Variants in IRGM observed in about 807,000 individuals in gnomAD.
IRGM encodes immunity related GTPase M.
For synonymous variants in IRGM, 98 were observed against 80.6 expected (o/e 1.22, Z -1.16); for missense variants, 288 against 219.9 (o/e 1.31, Z -1.96).
intron 1 of IRGM, among the ~76,000 whole-genome samples, chr5:150,870,721 T>C (rs1754271175): frequency 2.0e-5 from 3 of 152,110 alleles, no homozygotes; most frequent in Admixed American, 2.0e-4. Flanking sequence ...AGTTGGGGTT[T>C]GTCTTGGCTA....
At chr5:150,876,994 G>A (rs7734778) in intron 1 of IRGM, among the ~76,000 whole-genome samples, 31,537 of 151,880 alleles carry the variant, frequency 0.21, 5,169 homozygotes, top group African/African-American at 0.44. Context: ...GCATTTAAGC[G>A]TTGTTAATTT....
chr5:150,865,156 AG>A (rs1203841130), intron 1 of IRGM, among the ~76,000 whole-genome samples: 1 of 152,248 alleles, frequency 6.6e-6, no homozygotes, highest in East Asian at 1.9e-4. Flanking sequence ...CTGACCAGTA[AG>A]CGTTAACATT....
intron 3 of IRGM, chr5:150,898,495 A>G: frequency 6.2e-7 from 1 of 1,613,182 alleles, no homozygotes; most frequent in Non-Finnish European, 8.5e-7. Flanking sequence ...GAGAAGGGTC[A>G]AGTTGCTGCC....
chr5:150,858,427 A>T (rs1158708721), intron 1 of IRGM, among the ~76,000 whole-genome samples: 1 of 152,170 alleles, frequency 6.6e-6, no homozygotes, highest in African/African-American at 2.4e-5. Flanking sequence ...TTGGTTCCAT[A>T]TGAACTTTAA....
At chr5:150,856,661 G>GGTATTGCTATGTTTCCCAGA (rs1249870298) in intron 1 of IRGM, among the ~76,000 whole-genome samples, 2 of 149,420 alleles carry the variant, frequency 1.3e-5, no homozygotes, top group Admixed American at 6.7e-5. Context: ...TCAGAGACAG[G>GGTATTGCTATGTTTCCCAGA]GTATTGCTAT....
intron 1 of IRGM, among the ~76,000 whole-genome samples, chr5:150,874,805 T>C (rs544450877): frequency 6.6e-6 from 1 of 152,208 alleles, no homozygotes; most frequent in Non-Finnish European, 1.5e-5. Flanking sequence ...TCTAGGATTG[T>C]GGAGCAAGGC....
At chr5:150,882,860 A>T (rs950123743) in intron 3 of IRGM, among the ~76,000 whole-genome samples, 1 of 152,194 alleles carries the variant, frequency 6.6e-6, no homozygotes, top group African/African-American at 2.4e-5. Context: ...TACACTTTAG[A>T]CCAAAGGGAC....
At chr5:150,885,487 T>G (rs1754507274) in intron 3 of IRGM, among the ~76,000 whole-genome samples, 1 of 152,116 alleles carries the variant, frequency 6.6e-6, no homozygotes, top group African/African-American at 2.4e-5. Flanking sequence ...GGAATAGCAT[T>G]GAATCGGTTA....
rs149232778 is a variant in IRGM, at chr5:150,870,975, C to T, written c.159-7005C>T. The stretch of plus-strand genomic sequence containing the variant: ...TGAGGTCTCTGAAATGGCTAAATTC[C>T]CACCAAAAAAAAAAAGTGGTATGGT... On this transcript the variant is annotated intron_variant and NMD_transcript_variant, in intron 1 of 3. Transcript: ENST00000520549. Among the ~76,000 whole-genome samples, 780 of 150,984 alleles carry T rather than the reference C, an allele frequency of 5.2e-3. 7 individuals are homozygous for T. The highest frequency in any genetic ancestry group is 0.018 in the African/African-American group (742 of 41,164).
chr5:150,882,687 C>T lies in IRGM; in HGVS notation c.*140+3041C>T, dbSNP rs75319551. On this transcript the variant is annotated intron_variant and NMD_transcript_variant, in intron 3 of 3. Coordinates refer to the IRGM transcript ENST00000520549. Reference sequence around the variant, plus strand: ...AAGATATAACAATTGTGAATACATACGCAACCAACATCTGAGCACTTAGAT... The same window carrying T: ...AAGATATAACAATTGTGAATACATATGCAACCAACATCTGAGCACTTAGAT... Among the ~76,000 whole-genome samples the T allele has an allele frequency of 1.0e-2, 1,520 of 152,206 alleles. 30 individuals carry two copies. Among genetic ancestry groups the T allele is most frequent in the African/African-American group, 0.034 (1,417 of 41,510 alleles).
intron 1 of IRGM, among the ~76,000 whole-genome samples, chr5:150,872,980 G>T (rs1421357489): frequency 6.6e-6 from 1 of 152,204 alleles, no homozygotes; most frequent in Non-Finnish European, 1.5e-5. Context: ...CTGTATGCCA[G>T]ATCTAACAGT....
chr5:150,848,579 C>T lies in IRGM; in HGVS notation c.456C>T (p.Leu152=). ...YIVWTKLDMD[L]STGALPEVQL... Reference sequence around the variant, plus strand: ...TCTGGACCAAGCTAGACATGGACCTCAGCACAGGTGCCCTCCCAGAAGTGC... The same window carrying T: ...TCTGGACCAAGCTAGACATGGACCTTAGCACAGGTGCCCTCCCAGAAGTGC... Residue 152 remains leucine (L), a synonymous_variant, in exon 2 of 2, where the codon CTC becomes CTT. Coordinates refer to ENST00000522154, the MANE Select transcript of IRGM (RefSeq NM_001145805.2). 2.6e-6 allele frequency: 4 copies of T among 1,551,754 alleles called. No homozygotes were observed. In the South Asian group the frequency reaches 3.6e-5, roughly 14 times the overall value.
At chr5:150,896,574 G>A in intron 3 of IRGM, 20 of 1,613,658 alleles carry the variant, frequency 1.2e-5, no homozygotes, top group Non-Finnish European at 1.7e-5. Context: ...ACTCTGGCTA[G>A]ATGATTTTCC....
chr5:150,858,700 A>G (rs1427608860), intron 1 of IRGM, among the ~76,000 whole-genome samples: 1 of 151,910 alleles, frequency 6.6e-6, no homozygotes, highest in Non-Finnish European at 1.5e-5. Flanking sequence ...TGTGAATGGG[A>G]GTTCACTCAT....
intron 1 of IRGM, among the ~76,000 whole-genome samples, chr5:150,864,686 T>C (rs1395898495): frequency 6.6e-6 from 1 of 152,190 alleles, no homozygotes; most frequent in Non-Finnish European, 1.5e-5. Context: ...TATCACAAGG[T>C]TGGGTCTGCC....
chr5:150,856,985 G>A (rs181709119), intron 1 of IRGM, among the ~76,000 whole-genome samples: 4 of 150,226 alleles, frequency 2.7e-5, no homozygotes, highest in Admixed American at 2.7e-4. Context: ...CAATGTGCAG[G>A]TTTGTTACAT....
intron 1 of IRGM, among the ~76,000 whole-genome samples, chr5:150,860,323 TG>T (rs1443261152): frequency 1.3e-5 from 2 of 152,236 alleles, no homozygotes; most frequent in African/African-American, 4.8e-5. Flanking sequence ...TATGAATAAG[TG>T]GTTTATCAAA....
chr5:150,855,362 A>C (rs925630106), intron 1 of IRGM, among the ~76,000 whole-genome samples: 1 of 152,212 alleles, frequency 6.6e-6, no homozygotes, highest in Non-Finnish European at 1.5e-5. Context: ...TTTATCCTTA[A>C]GGAAGAGTTT....
chr5:150,895,499 A>G (rs1561754291), intron 3 of IRGM: 3 of 1,613,222 alleles, frequency 1.9e-6, no homozygotes, highest in Non-Finnish European at 2.5e-6. Context: ...TCCCACATAT[A>G]GCACATTGAT....
Sources: gnomAD v4.1 joint callset for allele counts (sites outside exome capture counted in the v4.1 genomes callset) on GRCh38, gnomAD v4.1.1 for gene constraint, MANE v1.5 for transcripts, NCBI Gene and HGNC (gene_info 2026-07-23, HGNC 2026-07-21) for gene names.